The following CCDC15 variants were observed in gnomAD, a reference collection of about 807,000 sequenced individuals.
CCDC15 encodes coiled-coil domain containing 15.
In CCDC15, 105 loss-of-function variants were observed where a neutral mutation model predicts 114.5. The ratio of observed to expected loss-of-function variants is 0.92; its 90% CI spans 0.78 to 1.08. The LOEUF (loss-of-function observed/expected upper bound fraction) is 1.08, where lower values mean the gene tolerates loss of function less well. Ranked by LOEUF, CCDC15 falls within the 50% of genes least tolerant of loss-of-function variation. The pLI is 0.00. For synonymous variants in CCDC15, 334 were observed against 377.8 expected, an observed-to-expected ratio of 0.88 and a Z score of 1.34; for missense variants, 1,105 against 1,093.6, an observed-to-expected ratio of 1.01 and a Z score of -0.15.
intron 4 of CCDC15, among the ~76,000 whole-genome samples, chr11:124,967,275 A>G (rs1298110659): frequency 1.3e-5 from 2 of 152,238 alleles, no homozygotes; most frequent in Admixed American, 6.5e-5. Flanking sequence ...AGGTACACCA[A>G]TCAAACATAG....
At chr11:125,009,532 G>A (rs1362443281) in intron 13 of CCDC15, among the ~76,000 whole-genome samples, 1 of 152,102 alleles carries the variant, frequency 6.6e-6, no homozygotes, top group Admixed American at 6.5e-5. Context: ...GATTCAGGGG[G>A]TACAGGTGCA....
intron 13 of CCDC15, among the ~76,000 whole-genome samples, chr11:125,027,451 C>A (rs1948711167): frequency 6.6e-6 from 1 of 151,878 alleles, no homozygotes. Context: ...TAAGGTGATA[C>A]CTCATTGTGG....
At chr11:125,022,115 TTC>T (rs1272637724) in intron 13 of CCDC15, among the ~76,000 whole-genome samples, 5 of 151,912 alleles carry the variant, frequency 3.3e-5, no homozygotes, top group Non-Finnish European at 7.4e-5. Context: ...TTTAATAGTT[TTC>T]TTTCATTCTC....
At chr11:124,992,535 A>ATT in intron 9 of CCDC15, 45 bp from the exon 10 acceptor site, 1 of 1,181,010 alleles carries the variant, frequency 8.5e-7, no homozygotes. Context: ...GCATTACACA[A>ATT]TTTTTTTTCT....
chr11:124,977,358 T>A, intron 5 of CCDC15, 120 bp from the exon 6 acceptor site: 2 of 820,852 alleles, frequency 2.4e-6, no homozygotes, highest in Non-Finnish European at 1.8e-6. Context: ...CCCTTTACTG[T>A]GTATTAGACT....
At chr11:124,958,415 A>T (rs1184441284) in intron 2 of CCDC15, among the ~76,000 whole-genome samples, 1 of 151,970 alleles carries the variant, frequency 6.6e-6, no homozygotes, top group Non-Finnish European at 1.5e-5. Flanking sequence ...TTTATGTGAC[A>T]GTTCTTCCAA....
Position 124,992,652 on chromosome 11 carries a change from C to G in CCDC15, c.2104C>G (p.Pro702Ala), listed in dbSNP as rs1202166400. Reference sequence around the variant, plus strand: ...TCTGGACTATCATCAATATGTTGTACCTAAAATCCAGGACCAAGACTCCCC... The same window carrying G: ...TCTGGACTATCATCAATATGTTGTAGCTAAAATCCAGGACCAAGACTCCCC... The part of the protein sequence containing the change: ...LPLDYHQYVV[P>A]KIQDQDSPRE... Residue 702 changes from proline (P) to alanine (A), a missense_variant, in exon 10 of 16, where the codon CCT becomes GCT. Pro to Ala is a conservative substitution (Grantham distance 27). Transcript: ENST00000344762. The G allele has an allele frequency of 6.3e-7, 1 of 1,595,890 alleles. No homozygotes were observed. Among genetic ancestry groups the G allele is most frequent in the Admixed American group, 1.7e-5 (1 of 57,772 alleles).
intron 4 of CCDC15, among the ~76,000 whole-genome samples, chr11:124,968,263 G>A (rs774280357): frequency 4.0e-5 from 6 of 150,430 alleles, no homozygotes; most frequent in Non-Finnish European, 8.9e-5. Context: ...CCCTGGAGGT[G>A]GAGTCTACAG....
rs1313501096 is a variant in CCDC15 at position 125,024,999 on chromosome 11, C to CATATATATGA, written c.2412-13424_2412-13423insGAATATATAT. 1.8e-3 allele frequency among the ~76,000 whole-genome samples: 234 copies of CATATATATGA among 127,690 alleles called. 4 individuals carry two copies. In the East Asian group the frequency reaches 0.04, roughly 22 times the overall value. The allele number at this position is 127,690 out of a possible 152,430, so 83.8% of individuals were successfully genotyped here. Reference sequence around the variant, plus strand: ...AATGGATGGTGGATTCTGTCAAATTCATATATATATGAATATATATATGAA... The same window carrying CATATATATGA: ...AATGGATGGTGGATTCTGTCAAATTCATATATATGAATATATATATGAATATATATATGAA... On this transcript the variant is annotated intron_variant, in intron 13 of 15. Transcript: ENST00000344762.
intron 1 of CCDC15, 25 bp from the exon 2 acceptor site, chr11:124,954,699 T>G (rs1189379533): frequency 6.2e-7 from 1 of 1,608,264 alleles, no homozygotes; most frequent in African/African-American, 1.3e-5. Flanking sequence ...TTGAAGATTT[T>G]AAGCTTTTTC....
chr11:125,038,648 C>T, intron 14 of CCDC15, 44 bp downstream of exon 14: 2 of 1,395,524 alleles, frequency 1.4e-6, no homozygotes, highest in Non-Finnish European at 9.6e-7. Flanking sequence ...CTAGAAGAGA[C>T]TTGGTAGAAC....
At position 124,987,253 on chromosome 11, in the gene CCDC15, T is replaced by G. The variant is rs1948184253; in HGVS notation, c.1027T>G (p.Leu343Val). Reference sequence around the variant, plus strand: ...TTATTTTCTAGAAGCCCAAGGTGATTTGCTGGAAACCCAGGGTGATTTGAC... The same window carrying G: ...TTATTTTCTAGAAGCCCAAGGTGATGTGCTGGAAACCCAGGGTGATTTGAC... ...QDYFLEAQGD[L>V]LETQGDLTGI... The change falls in exon 8 of 16, where the codon TTG becomes GTG. Residue 343 changes from leucine to valine, a missense_variant. Transcript: ENST00000344762. The G allele has an allele frequency of 6.4e-7, 1 of 1,574,622 alleles. No homozygotes were observed. The highest frequency in any genetic ancestry group is 1.4e-5 in the African/African-American group (1 of 72,992).
At chr11:124,979,573 CT>C (rs1948030940) in intron 6 of CCDC15, among the ~76,000 whole-genome samples, 1 of 151,968 alleles carries the variant, frequency 6.6e-6, no homozygotes, top group South Asian at 2.1e-4. Flanking sequence ...CTTGATTTGG[CT>C]CTTAGCTTGG....
In CCDC15 at chr11:125,040,084, C is replaced by T. The variant is rs558461179; in HGVS notation, c.2735-506C>T. On this transcript the variant is annotated intron_variant, in intron 15 of 15. Coordinates refer to ENST00000344762, the MANE Select transcript of CCDC15 (RefSeq NM_025004.3). ...TTTTTCCGAGACAGCCTCACTCTGTCGCCCAGGCCAGAGTGCAGTGGCACG... is the reference window on the plus strand; with the variant it reads ...TTTTTCCGAGACAGCCTCACTCTGTTGCCCAGGCCAGAGTGCAGTGGCACG... 4.6e-5 allele frequency among the ~76,000 whole-genome samples: 7 copies of T among 151,220 alleles called. No individual in the cohort carries two copies. In the South Asian group the frequency reaches 1.5e-3, roughly 32 times the overall value.
chr11:124,973,367 A>G (rs1476367436), intron 4 of CCDC15, among the ~76,000 whole-genome samples: 1 of 147,940 alleles, frequency 6.8e-6, no homozygotes, highest in African/African-American at 2.5e-5. Flanking sequence ...TTTTTTTTTT[A>G]TAATTTCAAC....
chr11:124,982,980 T>A (rs1325488206), intron 6 of CCDC15, among the ~76,000 whole-genome samples: 1 of 152,200 alleles, frequency 6.6e-6, no homozygotes, highest in African/African-American at 2.4e-5. Context: ...TTTGGAGGTT[T>A]TGTTTATTCT....
intron 13 of CCDC15, among the ~76,000 whole-genome samples, chr11:125,024,439 A>G (rs1191532055): frequency 2.0e-5 from 3 of 152,244 alleles, no homozygotes; most frequent in East Asian, 1.9e-4. Flanking sequence ...GCAATATTGA[A>G]TCTGCTGACC....
At chr11:124,963,798 C>T (rs1424581230) in intron 4 of CCDC15, among the ~76,000 whole-genome samples, 8 of 152,172 alleles carry the variant, frequency 5.3e-5, no homozygotes. Flanking sequence ...AGTCTTTAAT[C>T]CATCTTGAAT....
chr11:125,011,382 C>T (rs1368578148), intron 13 of CCDC15, among the ~76,000 whole-genome samples: 1 of 151,884 alleles, frequency 6.6e-6, no homozygotes, highest in Non-Finnish European at 1.5e-5. Flanking sequence ...GGACCACAGG[C>T]GTATGCCACC....
Sources: allele counts gnomAD v4.1 joint callset (sites outside exome capture counted in the v4.1 genomes callset), GRCh38; gene constraint gnomAD v4.1.1; transcripts MANE v1.5; gene names NCBI Gene and HGNC (gene_info 2026-07-23, HGNC 2026-07-21).